The following BMPR1B variants were observed in gnomAD, a reference collection of about 807,000 sequenced individuals.
The protein encoded by BMPR1B is bone morphogenetic protein receptor type-1B.
A neutral mutation model predicts 59.1 loss-of-function variants in BMPR1B; 12 were observed. The ratio of observed to expected loss-of-function variants is 0.20; its 90% confidence interval spans 0.13 to 0.33. The LOEUF (loss-of-function observed/expected upper bound fraction) is 0.33, where lower values mean the gene tolerates loss of function less well. Ranked by LOEUF, BMPR1B falls within the 10% of genes least tolerant of loss-of-function variation. The probability of loss-of-function intolerance (pLI) is 1.00; values close to 1 mark genes in which losing one functional copy is unlikely to be tolerated. For synonymous variants in BMPR1B, 237 were observed against 207.3 expected, an observed-to-expected ratio of 1.14 and a Z score of -1.23; for missense variants, 550 against 610.9, an observed-to-expected ratio of 0.90 and a Z score of 1.05.
At chr4:95,118,971 A>C (rs941098406) in intron 6 of BMPR1B, among the ~76,000 whole-genome samples, 1 of 152,200 alleles carries the variant, frequency 6.6e-6, no homozygotes, top group East Asian at 1.9e-4. Flanking sequence ...CATTGCTCTC[A>C]TAAATCAGAA....
At chr4:94,917,097 G>C (rs72889509) in intron 2 of BMPR1B, among the ~76,000 whole-genome samples, 2,948 of 152,352 alleles carry the variant, frequency 0.019, 97 homozygotes, top group African/African-American at 0.067. Flanking sequence ...ATGCTTGGCA[G>C]CCTCTGCCTA....
At chr4:94,968,396 T>C (rs1730640210) in intron 2 of BMPR1B, among the ~76,000 whole-genome samples, 1 of 152,100 alleles carries the variant, frequency 6.6e-6, no homozygotes, top group Admixed American at 6.5e-5. Context: ...AAGAAAGCTA[T>C]TTTTATGTGT....
At chr4:95,070,985 A>C (rs918728412) in intron 3 of BMPR1B, among the ~76,000 whole-genome samples, 1 of 152,070 alleles carries the variant, frequency 6.6e-6, no homozygotes, top group African/African-American at 2.4e-5. Flanking sequence ...TCCTTTAGTC[A>C]CCAGAAATGA....
chr4:94,837,992 C>A (rs1724892474), intron 1 of BMPR1B, among the ~76,000 whole-genome samples: 1 of 134,672 alleles, frequency 7.4e-6, no homozygotes, highest in East Asian at 2.0e-4. Flanking sequence ...TTGTCAAAGG[C>A]TTTTTCTGCA....
At chr4:94,829,909 G>A (rs1033510144) in intron 1 of BMPR1B, among the ~76,000 whole-genome samples, 1 of 152,116 alleles carries the variant, frequency 6.6e-6, no homozygotes, top group African/African-American at 2.4e-5. Context: ...ACAGTAGCTT[G>A]GAAGCTTCTC....
intron 1 of BMPR1B, among the ~76,000 whole-genome samples, chr4:94,836,107 G>A (rs1724806325): frequency 6.8e-6 from 1 of 148,100 alleles, no homozygotes; most frequent in African/African-American, 2.5e-5. Context: ...TTTTATGGCT[G>A]CATAGTATTC....
At chr4:94,830,905 GTT>G (rs1305052543) in intron 1 of BMPR1B, among the ~76,000 whole-genome samples, 1 of 152,114 alleles carries the variant, frequency 6.6e-6, no homozygotes, top group African/African-American at 2.4e-5. Flanking sequence ...ATTATGTACA[GTT>G]TATCATAATT....
intron 2 of BMPR1B, among the ~76,000 whole-genome samples, chr4:94,930,364 G>C (rs1192810638): frequency 1.3e-5 from 2 of 152,042 alleles, no homozygotes; most frequent in Admixed American, 1.3e-4. Flanking sequence ...TTCCACTGTG[G>C]TTCAGATTGG....
intron 2 of BMPR1B, among the ~76,000 whole-genome samples, chr4:94,877,482 G>A (rs949474716): frequency 2.6e-5 from 4 of 152,330 alleles, no homozygotes; most frequent in South Asian, 4.1e-4. Flanking sequence ...GAAGTAAATC[G>A]GAAAGCAGAG....
intron 3 of BMPR1B, among the ~76,000 whole-genome samples, chr4:95,031,904 T>C (rs1208517251): frequency 2.0e-5 from 3 of 152,080 alleles, no homozygotes; most frequent in African/African-American, 7.2e-5. Flanking sequence ...CCAGTCTGGG[T>C]GGCAGAGCAG....
chr4:94,769,949 C>A (rs1359969012), intron 1 of BMPR1B, among the ~76,000 whole-genome samples: 1 of 152,212 alleles, frequency 6.6e-6, no homozygotes, highest in East Asian at 1.9e-4. Flanking sequence ...TATTTCTCCT[C>A]AACCAAAGTG....
chr4:94,935,765 A>G lies in BMPR1B; in HGVS notation c.-113+59865A>G, dbSNP rs565670716. On this transcript the variant is annotated intron_variant, in intron 2 of 12. Transcript: ENST00000515059. Reference sequence around the variant, plus strand: ...ACCTGAAAGAATATACAAGATTCATATTCATCTCAGTATAGGCAGAATGCC... The same window carrying G: ...ACCTGAAAGAATATACAAGATTCATGTTCATCTCAGTATAGGCAGAATGCC... Among the ~76,000 whole-genome samples the G allele has an allele frequency of 1.1e-4, 16 of 152,336 alleles. No homozygotes were observed. In the South Asian group the frequency reaches 1.4e-3, roughly 14 times the overall value.
At chr4:94,794,032 A>C (rs1434529729) in intron 1 of BMPR1B, among the ~76,000 whole-genome samples, 1 of 150,348 alleles carries the variant, frequency 6.7e-6, no homozygotes, top group African/African-American at 2.5e-5. Flanking sequence ...ATTAGATCCC[A>C]TTTGTCAATT....
intron 1 of BMPR1B, among the ~76,000 whole-genome samples, chr4:94,836,178 G>A (rs1411459549): frequency 6.7e-6 from 1 of 149,808 alleles, no homozygotes; most frequent in Non-Finnish European, 1.5e-5. Flanking sequence ...ATTTGGGTTG[G>A]TTCCAAGTCT....
At chr4:95,020,466 G>A (rs1723897608) in intron 3 of BMPR1B, among the ~76,000 whole-genome samples, 1 of 151,590 alleles carries the variant, frequency 6.6e-6, no homozygotes, top group Non-Finnish European at 1.5e-5. Flanking sequence ...GTAGTCCCAA[G>A]TACTCAGGAG....
intron 8 of BMPR1B, among the ~76,000 whole-genome samples, chr4:95,125,500 G>T (rs1289837751): frequency 2.0e-5 from 3 of 152,060 alleles, no homozygotes; most frequent in Non-Finnish European, 4.4e-5. Flanking sequence ...AAAGAAAGAG[G>T]GTTGCTTTTC....
At chr4:94,869,922 T>G (rs1430713162) in intron 1 of BMPR1B, among the ~76,000 whole-genome samples, 2 of 152,186 alleles carry the variant, frequency 1.3e-5, no homozygotes, top group Admixed American at 6.5e-5. Flanking sequence ...GCATAACAAG[T>G]ATCTTTTAGA....
chr4:94,992,317 C>A lies in BMPR1B; in HGVS notation c.-112-3723C>A, dbSNP rs866628520. ...GAGAGAAATGCAGGATACAGCAAAT[C>A]CGTCCTGAGTTTGTGAGTGCACTGT... On this transcript the variant is annotated intron_variant, in intron 2 of 12. Coordinates refer to ENST00000515059, the MANE Select transcript of BMPR1B (RefSeq NM_001203.3). Among the ~76,000 whole-genome samples, 7 of 152,342 alleles carry A rather than the reference C, an allele frequency of 4.6e-5. No individual in the cohort carries two copies. In the East Asian group the frequency reaches 7.7e-4, roughly 17 times the overall value.
At chr4:95,109,913 A>G (rs958796056) in intron 4 of BMPR1B, among the ~76,000 whole-genome samples, 2 of 120,064 alleles carry the variant, frequency 1.7e-5, no homozygotes, top group Non-Finnish European at 1.6e-5. Context: ...TCCTGTGTCC[A>G]TGTGTTCTCA....
Sources: gnomAD v4.1 joint callset for allele counts (sites outside exome capture counted in the v4.1 genomes callset) on GRCh38, gnomAD v4.1.1 for gene constraint, MANE v1.5 for transcripts, NCBI Gene and HGNC (gene_info 2026-07-23, HGNC 2026-07-21) for gene names.